NME7: variants seen among roughly 807,000 people sequenced by gnomAD.
The protein encoded by NME7 is NME/NM23 family member 7.
NME7 carries 41 observed loss-of-function variants against 49.1 expected under a neutral mutation model. The ratio of observed to expected loss-of-function variants is 0.83; its 90% CI spans 0.65 to 1.08. NME7 has a LOEUF of 1.08. Ranked by LOEUF, NME7 falls within the 50% of genes least tolerant of loss-of-function variation. The probability of loss-of-function intolerance (pLI) is 0.00; values close to 1 mark genes in which losing one functional copy is unlikely to be tolerated. For missense variants in NME7, 423 were observed against 463.4 expected, an observed-to-expected ratio of 0.91 and a Z score of 0.80; for synonymous variants, 139 against 150.6, an observed-to-expected ratio of 0.92 and a Z score of 0.56.
At chr1:169,280,136 CTT>C (rs1488968692) in intron 7 of NME7, among the ~76,000 whole-genome samples, 4 of 152,300 alleles carry the variant, frequency 2.6e-5, no homozygotes, top group Non-Finnish European at 5.9e-5. Flanking sequence ...CATGTCCTGA[CTT>C]TTTAATAATC....
intron 11 of NME7, among the ~76,000 whole-genome samples, chr1:169,167,031 T>G (rs2101840612): frequency 6.6e-6 from 1 of 152,294 alleles, no homozygotes; most frequent in East Asian, 1.9e-4. Flanking sequence ...CAAGAACACT[T>G]TTGTAAAGTA....
intron 10 of NME7, among the ~76,000 whole-genome samples, chr1:169,217,859 A>G (rs1362793851): frequency 2.0e-5 from 3 of 152,144 alleles, no homozygotes; most frequent in Non-Finnish European, 4.4e-5. Context: ...AAGCAGCACT[A>G]TAAGCTGCAC....
chr1:169,188,799 TGA>T, intron 10 of NME7, among the ~76,000 whole-genome samples: 1 of 152,306 alleles, frequency 6.6e-6, no homozygotes, highest in East Asian at 1.9e-4. Context: ...CACACTGAGG[TGA>T]TACCATAAGC....
At chr1:169,326,959 A>G (rs1364864731) in intron 1 of NME7, among the ~76,000 whole-genome samples, 3 of 152,232 alleles carry the variant, frequency 2.0e-5, no homozygotes, top group Non-Finnish European at 2.9e-5. Flanking sequence ...CTCAAATGCT[A>G]TTAAAGCTAT....
chr1:169,175,777 G>C (rs1195612658), intron 10 of NME7, among the ~76,000 whole-genome samples: 3 of 152,152 alleles, frequency 2.0e-5, no homozygotes, highest in African/African-American at 7.2e-5. Context: ...TATGTTAGCA[G>C]TGATATACAT....
intron 10 of NME7, among the ~76,000 whole-genome samples, chr1:169,188,191 C>T (rs193186767): frequency 1.1e-4 from 16 of 151,964 alleles, no homozygotes; most frequent in African/African-American, 3.9e-4. Context: ...ATATTTTGTA[C>T]GAAGTTCATC....
At chr1:169,308,859 G>A (rs781360109) in intron 4 of NME7, among the ~76,000 whole-genome samples, 28 of 151,876 alleles carry the variant, frequency 1.8e-4, no homozygotes, top group South Asian at 4.1e-4. Context: ...TGTTAGATAG[G>A]TATATTTACC....
chr1:169,239,899 G>A (rs569656360), intron 7 of NME7, among the ~76,000 whole-genome samples: 2 of 152,168 alleles, frequency 1.3e-5, no homozygotes, highest in East Asian at 3.9e-4. Flanking sequence ...GGGAGCAGAG[G>A]TGGCAGAAGC....
intron 7 of NME7, among the ~76,000 whole-genome samples, chr1:169,282,254 C>A (rs779146813): frequency 6.6e-6 from 1 of 152,192 alleles, no homozygotes; most frequent in African/African-American, 2.4e-5. Flanking sequence ...TTAAAATATT[C>A]TCTGACGGTA....
chr1:169,318,238 G>T (rs759894268), intron 3 of NME7, among the ~76,000 whole-genome samples: 1 of 152,156 alleles, frequency 6.6e-6, no homozygotes, highest in Non-Finnish European at 1.5e-5. Flanking sequence ...TCTCAAACAC[G>T]CTTTCACAAG....
chr1:169,250,260 T>C (rs1648506430), intron 7 of NME7, among the ~76,000 whole-genome samples: 1 of 152,114 alleles, frequency 6.6e-6, no homozygotes, highest in African/African-American at 2.4e-5. Context: ...TTTGTGTGCA[T>C]AGAGGTGTTC....
At chr1:169,163,839 G>A (rs1401441192) in intron 11 of NME7, among the ~76,000 whole-genome samples, 1 of 152,078 alleles carries the variant, frequency 6.6e-6, no homozygotes, top group Non-Finnish European at 1.5e-5. Flanking sequence ...GGCCAGGCGT[G>A]GTAGCTTACA....
intron 11 of NME7, among the ~76,000 whole-genome samples, chr1:169,156,111 A>G (rs1461071290): frequency 6.8e-6 from 1 of 146,066 alleles, no homozygotes; most frequent in Non-Finnish European, 1.5e-5. Flanking sequence ...TGAGCCCAGG[A>G]GTTCTAGAGC....
intron 1 of NME7, among the ~76,000 whole-genome samples, chr1:169,361,157 G>A (rs1328860474): frequency 6.6e-6 from 1 of 152,040 alleles, no homozygotes; most frequent in Non-Finnish European, 1.5e-5. Context: ...AGAATAACTG[G>A]TGAATGAGAA....
intron 11 of NME7, among the ~76,000 whole-genome samples, chr1:169,167,224 G>T (rs1384982982): frequency 6.6e-6 from 1 of 152,058 alleles, no homozygotes; most frequent in Non-Finnish European, 1.5e-5. Flanking sequence ...TATTGTGATA[G>T]CTGGCTAAAT....
At position 169,174,596 on chromosome 1, in the gene NME7, T is replaced by C. The variant is rs528775570; in HGVS notation, c.991-5042A>G. 6.6e-5 allele frequency among the ~76,000 whole-genome samples: 10 copies of C among 152,332 alleles called. No homozygotes were observed. In the South Asian group the frequency reaches 2.1e-3, roughly 32 times the overall value. ...AGTGTACTTACACAAACCTAGATGA[T>C]ATAGCCTACTACACATCTAGGCTAT... On this transcript the variant is annotated intron_variant, in intron 10 of 11. Transcript: ENST00000367811.
chr1:169,160,549 C>A (rs534535773), intron 11 of NME7, among the ~76,000 whole-genome samples: 1 of 152,052 alleles, frequency 6.6e-6, no homozygotes, highest in African/African-American at 2.4e-5. Flanking sequence ...TCTGGGAAGT[C>A]ACTCATCATC....
At chr1:169,222,622 C>A (rs1208377) in intron 10 of NME7, among the ~76,000 whole-genome samples, 96,227 of 151,932 alleles carry the variant, frequency 0.63, 30,762 homozygotes, top group East Asian at 0.92. Context: ...AGAGGAACCC[C>A]GGGCTGAGAC....
At chr1:169,293,126 C>A (rs763623870) in intron 6 of NME7, among the ~76,000 whole-genome samples, 27 of 149,042 alleles carry the variant, frequency 1.8e-4, no homozygotes, top group Non-Finnish European at 3.5e-4. Flanking sequence ...AAGACCCTGT[C>A]TTTAGAAAAA....
Sources: gnomAD v4.1 joint callset for allele counts (sites outside exome capture counted in the v4.1 genomes callset) on GRCh38, gnomAD v4.1.1 for gene constraint, MANE v1.5 for transcripts, NCBI Gene and HGNC (gene_info 2026-07-23, HGNC 2026-07-21) for gene names.